Variants in ACY3 observed in about 807,000 individuals in gnomAD.
ACY3 encodes the protein aminoacylase 3.
In ACY3, 20 loss-of-function variants were observed where a neutral mutation model predicts 24.6. The observed-to-expected ratio is 0.81, with a 90% CI of 0.57 to 1.18. The LOEUF (loss-of-function observed/expected upper bound fraction) is 1.18. Among genes scored for constraint, ACY3 ranks in the 50% most tolerant of loss-of-function variants. The pLI is 0.00. For missense variants in ACY3, 423 were observed against 426.8 expected (o/e 0.99, Z 0.08); for synonymous variants, 174 against 188.4 (o/e 0.92, Z 0.62).
chr11:67,644,338 CAG>C (rs1360638206), intron 7 of ACY3, among the ~76,000 whole-genome samples: 1 of 152,196 alleles, frequency 6.6e-6, no homozygotes, highest in Non-Finnish European at 1.5e-5. Context: ...GGAAGGCCTG[CAG>C]AGAGACATAC....
chr11:67,647,149 G>A, intron 2 of ACY3, 86 bp from the exon 3 acceptor site: 1 of 989,650 alleles, frequency 1.0e-6, no homozygotes, highest in Non-Finnish European at 1.4e-6. Flanking sequence ...GGCTCCACAG[G>A]GCAGCCACCT....
At chr11:67,644,428 G>A (rs1855468212) in intron 7 of ACY3, among the ~76,000 whole-genome samples, 1 of 152,194 alleles carries the variant, frequency 6.6e-6, no homozygotes, top group Non-Finnish European at 1.5e-5. Context: ...CCAAGCAGGT[G>A]AATTGAGTCA....
At chr11:67,643,100 C>T (rs562441457) in intron 7 of ACY3, among the ~76,000 whole-genome samples, 161 bp from the exon 8 acceptor site, 2 of 152,362 alleles carry the variant, frequency 1.3e-5, no homozygotes, top group South Asian at 2.1e-4. Context: ...TGGTGAGATA[C>T]CAGTCTGCTC....
At chr11:67,645,607 G>A (rs1855500224) in intron 4 of ACY3, 85 bp downstream of exon 4, 1 of 1,479,624 alleles carries the variant, frequency 6.8e-7, no homozygotes, top group Admixed American at 2.2e-5. Context: ...GAGGGGCTAA[G>A]CAAAGGAGGT....
At position 67,645,722 on chromosome 11, in the gene ACY3, G is replaced by A. The variant is rs375017106; in HGVS notation, c.402C>T (p.Val134=). 17 of 1,611,678 alleles carry A rather than the reference G, an allele frequency of 1.1e-5. No individual in the cohort carries two copies. In the Admixed American group the frequency reaches 2.7e-4, roughly 25 times the overall value. ...TCLIAKSSHE[V]FAMHLCRHLQ... Reference sequence around the variant, plus strand: ...GATGGCGGCACAGGTGCATGGCAAAGACTTCGTGGGAGGACTTCGCGATTA... The same window carrying A: ...GATGGCGGCACAGGTGCATGGCAAAAACTTCGTGGGAGGACTTCGCGATTA... Residue 134 remains valine, a synonymous_variant, in exon 4 of 8, where the codon GTC becomes GTT. Transcript: ENST00000255082.
rs762301987 is a variant in ACY3 at position 67,646,790 on chromosome 11, G to T, written c.236+18C>A. The T allele has an allele frequency of 1.1e-4, 175 of 1,609,874 alleles. 1 individual carries two copies. The East Asian group carries it at 3.8e-3, about 35-fold the overall frequency. On this transcript the variant is annotated intron_variant, in intron 3 of 7. Coordinates refer to ENST00000255082, the MANE Select transcript of ACY3 (RefSeq NM_080658.2). The stretch of plus-strand genomic sequence containing the variant: ...GGTGCCCAACTGCCTGGGCCAACCT[G>T]GCGGCAAAAGCACTCACTTGAGGAA...
intron 1 of ACY3, among the ~76,000 whole-genome samples, chr11:67,649,753 G>A: frequency 6.7e-6 from 1 of 149,132 alleles, no homozygotes; most frequent in South Asian, 2.1e-4. Context: ...GTGTGCGCAT[G>A]TGTGACAGCA....
At chr11:67,643,776 C>G (rs1319224076) in intron 7 of ACY3, among the ~76,000 whole-genome samples, 2 of 151,612 alleles carry the variant, frequency 1.3e-5, no homozygotes, top group Non-Finnish European at 2.9e-5. Context: ...GGGCAGATCA[C>G]TTGAGGTCAG....
At chr11:67,644,739 C>CAT (rs757946435) in intron 7 of ACY3, 21 bp downstream of exon 7, 2 of 1,526,908 alleles carry the variant, frequency 1.3e-6, no homozygotes, top group Non-Finnish European at 1.8e-6. Flanking sequence ...CCACCACACA[C>CAT]ACACACACAC....
rs1422138316 is a variant in ACY3 at position 67,642,657 on chromosome 11, C to T, written c.*67G>A. The T allele has an allele frequency of 1.7e-5, 26 of 1,550,402 alleles. No homozygotes were observed. In the East Asian group the frequency reaches 4.5e-4, roughly 27 times the overall value. Reference sequence around the variant, plus strand: ...GTAGGTGGCAGAAGGGACCTCTGTGCTCAGAGCTGTGCCTCAGGACCCATC... The same window carrying T: ...GTAGGTGGCAGAAGGGACCTCTGTGTTCAGAGCTGTGCCTCAGGACCCATC... On this transcript the variant is annotated 3_prime_UTR_variant, in exon 8 of 8. Transcript: ENST00000255082.
chr11:67,647,122 C>T (rs1855533551), intron 2 of ACY3, 59 bp from the exon 3 acceptor site: 2 of 1,246,846 alleles, frequency 1.6e-6, no homozygotes, highest in East Asian at 5.2e-5. Context: ...GGGCTCAGGG[C>T]AAGGATGGCG....
chr11:67,646,909 G>A lies in ACY3; in HGVS notation c.135C>T (p.Ser45=), dbSNP rs143187416. Residue 45 remains serine (S), a synonymous_variant, in exon 3 of 8, where the codon AGC becomes AGT. Transcript: ENST00000255082. ...TGGCCAGCACAGGCACAGCGGAGAA[G>A]CTGGCTCTCTGCAGCTCTGCGGGGG... The part of the protein sequence containing the change: ...LHAPAELQRA[S]FSAVPVLANP... 6,702 of 1,611,258 alleles carry A rather than the reference G, an allele frequency of 4.2e-3. 26 individuals are homozygous for A. Among genetic ancestry groups the A allele is most frequent in the Non-Finnish European group, 5.2e-3 (6,157 of 1,179,172 alleles).
intron 1 of ACY3, among the ~76,000 whole-genome samples, chr11:67,649,314 G>A (rs533242176): frequency 2.0e-5 from 3 of 152,318 alleles, no homozygotes; most frequent in South Asian, 4.1e-4. Context: ...AAGGGCCTCC[G>A]TGGCAGACCT....
chr11:67,649,460 T>C (rs889391347), intron 1 of ACY3, among the ~76,000 whole-genome samples: 2 of 152,348 alleles, frequency 1.3e-5, no homozygotes, highest in African/African-American at 2.4e-5. Flanking sequence ...TGCATTTCAG[T>C]GAGTGTTTAT....
chr11:67,646,573 G>T (rs1855520691), intron 3 of ACY3, among the ~76,000 whole-genome samples: 1 of 152,218 alleles, frequency 6.6e-6, no homozygotes, highest in Admixed American at 6.5e-5. Flanking sequence ...ATTAGGTCTG[G>T]GATCCCCAGA....
rs368425963 is a variant in ACY3 at position 67,642,678 on chromosome 11, C to T, written c.*46G>A. The T allele has an allele frequency of 1.0e-5, 16 of 1,593,194 alleles. No homozygotes were observed. In the Admixed American group the frequency reaches 1.7e-4, roughly 17 times the overall value. ...TGTGCTCAGAGCTGTGCCTCAGGAC[C>T]CATCGTTCAGATGGGAAGACTGAGG... is the stretch of plus-strand genomic sequence containing the variant. On this transcript the variant is annotated 3_prime_UTR_variant, in exon 8 of 8. Transcript: ENST00000255082.
At chr11:67,643,055 A>G (rs1855439074) in intron 7 of ACY3, 116 bp from the exon 8 acceptor site, 2 of 860,800 alleles carry the variant, frequency 2.3e-6, no homozygotes, top group South Asian at 3.2e-5. Context: ...TTTCCCACCC[A>G]TGCTTCACTT....
intron 1 of ACY3, among the ~76,000 whole-genome samples, chr11:67,648,691 G>C (rs1400728888): frequency 1.3e-5 from 2 of 152,076 alleles, no homozygotes. Flanking sequence ...GGGTGGCCAG[G>C]ACCCTCTAAG....
chr11:67,648,925 C>A (rs1216001321), intron 1 of ACY3, among the ~76,000 whole-genome samples: 1 of 152,122 alleles, frequency 6.6e-6, no homozygotes, highest in Non-Finnish European at 1.5e-5. Flanking sequence ...TCCCTATGAG[C>A]CCCCTCCAGG....
Sources: allele counts gnomAD v4.1 joint callset (sites outside exome capture counted in the v4.1 genomes callset), GRCh38; gene constraint gnomAD v4.1.1; transcripts MANE v1.5; gene names NCBI Gene and HGNC (gene_info 2026-07-23, HGNC 2026-07-21).